The following SPTB variants were observed in gnomAD, a reference collection of about 807,000 sequenced individuals.
SPTB encodes the protein spectrin beta chain, erythrocytic.
Under a neutral mutation model 256.2 loss-of-function variants are expected in SPTB, and 45 were observed. The observed-to-expected ratio is 0.18, with a 90% confidence interval of 0.14 to 0.23. SPTB has a LOEUF of 0.23. Ranked by LOEUF, SPTB falls within the 10% of genes least tolerant of loss-of-function variation. The probability of loss-of-function intolerance (pLI) is 1.00; values close to 1 mark genes in which losing one functional copy is unlikely to be tolerated. For synonymous variants in SPTB, 1,231 were observed against 1,243.1 expected, an observed-to-expected ratio of 0.99 and a Z score of 0.21; for missense variants, 2,715 against 3,040.4, an observed-to-expected ratio of 0.89 and a Z score of 2.52.
At position 64,802,675 on chromosome 14, in the gene SPTB, GAC is replaced by G. The variant is rs2082909165; in HGVS notation, c.475-360_475-359del. Among the ~76,000 whole-genome samples, 1 of 152,108 alleles carries G rather than the reference GAC, an allele frequency of 6.6e-6. No homozygotes were observed. The highest frequency in any genetic ancestry group is 2.4e-5 in the African/African-American group (1 of 41,392). ...GTGGCAGCGCTGTGCTAGGCCTGAGGACACACAGAGGTAAAACAAATTTCTTG... is the reference window on the plus strand; with the variant it reads ...GTGGCAGCGCTGTGCTAGGCCTGAGGACACAGAGGTAAAACAAATTTCTTG... On this transcript the variant is annotated intron_variant, in intron 4 of 35. Transcript: ENST00000644917. The surrounding 1 kb of genome is among the most constrained non-coding windows in gnomAD (Gnocchi z 5.1).
Position 64,749,552 on chromosome 14 carries a change from T to A in SPTB, c.6820-79A>T. The A allele has an allele frequency of 6.2e-7, 1 of 1,602,644 alleles. No homozygotes were observed. Among genetic ancestry groups the A allele is most frequent in the Non-Finnish European group, 8.5e-7 (1 of 1,178,392 alleles). On this transcript the variant is annotated intron_variant, in intron 35 of 35. Transcript: ENST00000644917. The surrounding 1 kb of genome is among the most constrained non-coding windows in gnomAD (Gnocchi z 4.7). ...CGGGCCAGGCAACAATGGTGGGGGC[T>A]CTTGGGACTGCCCCTTCTGAGGGGG...
At chr14:64,870,045 G>T (rs1882437217) in intron 1 of SPTB, among the ~76,000 whole-genome samples, 1 of 152,022 alleles carries the variant, frequency 6.6e-6, no homozygotes, top group Non-Finnish European at 1.5e-5. Context: ...GTTCCCCATT[G>T]CAAGAAGCTT....
Position 64,824,037 on chromosome 14 carries a change from C to T in SPTB, c.-51-892G>A, listed in dbSNP as rs766098979. ...ATTTACAGTTAATTCAAATATGTAC[C>T]AAGCTCCAACTAGGTGGCAGGCACT... On this transcript the variant is annotated intron_variant, in intron 1 of 35. Transcript: ENST00000644917. The surrounding 1 kb of genome is among the most constrained non-coding windows in gnomAD (Gnocchi z 5.7). Among the ~76,000 whole-genome samples the T allele has an allele frequency of 6.6e-6, 1 of 152,140 alleles. No individual in the cohort carries two copies. The highest frequency in any genetic ancestry group is 1.5e-5 in the Non-Finnish European group (1 of 68,030).
intron 2 of SPTB, among the ~76,000 whole-genome samples, chr14:64,815,369 G>A (rs992723155): frequency 7.2e-5 from 11 of 152,314 alleles, no homozygotes; most frequent in African/African-American, 2.4e-4. Context: ...CCCAAGCAGC[G>A]CTGTGATGAC....
intron 1 of SPTB, among the ~76,000 whole-genome samples, chr14:64,861,000 C>T (rs1031680742): frequency 6.6e-6 from 1 of 152,096 alleles, no homozygotes; most frequent in African/African-American, 2.4e-5. Flanking sequence ...ACATATACAC[C>T]ATGGAATACT....
chr14:64,855,538 A>AGACAGGGTCTTGC (rs11270613), intron 1 of SPTB, among the ~76,000 whole-genome samples: 1 of 151,802 alleles, frequency 6.6e-6, no homozygotes, highest in Non-Finnish European at 1.5e-5. Flanking sequence ...ATCTTTTCAT[A>AGACAGGGTCTTGC]TACGTTGACC....
chr14:64,783,698 T>C (rs557514691), intron 19 of SPTB, among the ~76,000 whole-genome samples: 24 of 152,306 alleles, frequency 1.6e-4, no homozygotes, highest in African/African-American at 5.8e-4. Context: ...TGGACAGCCA[T>C]GGTAGAGATG....
At chr14:64,863,493 G>T (rs542060532) in intron 1 of SPTB, among the ~76,000 whole-genome samples, 303 of 152,280 alleles carry the variant, frequency 2.0e-3, no homozygotes, top group African/African-American at 7.2e-3. Flanking sequence ...TTTGTGTCAT[G>T]CTACAAACCT....
chr14:64,748,264 T>C lies in SPTB; in HGVS notation c.*1042A>G, dbSNP rs1384291539. The C allele has an allele frequency of 1.3e-5, 2 of 152,232 alleles. No homozygotes were observed. Among genetic ancestry groups the C allele is most frequent in the Non-Finnish European group, 1.5e-5 (1 of 68,070 alleles). The allele number at this position is 152,232 out of a possible 1,614,324, so 9.4% of individuals were successfully genotyped here. On this transcript the variant is annotated 3_prime_UTR_variant, in exon 36 of 36. Transcript: ENST00000644917. ...TCCAAAGTCCCAGCTGCAGACAGGATGCAATTGAGCATTTGGCTTTGGGAT... is the reference window on the plus strand; with the variant it reads ...TCCAAAGTCCCAGCTGCAGACAGGACGCAATTGAGCATTTGGCTTTGGGAT...
chr14:64,766,916 C>A, intron 31 of SPTB, 115 bp from the exon 32 acceptor site: 1 of 1,316,032 alleles, frequency 7.6e-7, no homozygotes, highest in South Asian at 1.2e-5. Flanking sequence ...AGCTCCCCCT[C>A]CAGTCAGCCG....
chr14:64,766,934 G>A, intron 31 of SPTB, 133 bp from the exon 32 acceptor site: 1 of 1,195,004 alleles, frequency 8.4e-7, no homozygotes, highest in South Asian at 1.2e-5. Flanking sequence ...CCGGCAGCCT[G>A]GATGGTGCTT....
intron 1 of SPTB, among the ~76,000 whole-genome samples, chr14:64,858,466 C>T (rs2083907583): frequency 6.6e-6 from 1 of 152,084 alleles, no homozygotes; most frequent in Non-Finnish European, 1.5e-5. Context: ...CAGTCAGGAG[C>T]AGTAGGAGGC....
intron 2 of SPTB, 40 bp downstream of exon 2, chr14:64,822,907 T>G (rs771684425): frequency 1.2e-6 from 2 of 1,612,218 alleles, no homozygotes; most frequent in Admixed American, 1.7e-5. Flanking sequence ...ACCTTGTGAC[T>G]GTGAGAATGC....
At chr14:64,771,879 ATTGCG>A (rs774192666) in intron 26 of SPTB, among the ~76,000 whole-genome samples, 2 of 152,174 alleles carry the variant, frequency 1.3e-5, no homozygotes, top group Non-Finnish European at 2.9e-5. Flanking sequence ...CTGGCCTGGG[ATTGCG>A]CAGCCAGCCT....
intron 2 of SPTB, among the ~76,000 whole-genome samples, chr14:64,813,903 C>G (rs1176255420): frequency 4.6e-5 from 7 of 152,204 alleles, no homozygotes; most frequent in African/African-American, 1.7e-4. Context: ...TAAAGCCTAG[C>G]ATGGGGCAGA....
intron 13 of SPTB, among the ~76,000 whole-genome samples, chr14:64,794,101 G>C (rs931895951): frequency 6.6e-6 from 1 of 152,070 alleles, no homozygotes; most frequent in African/African-American, 2.4e-5. Context: ...GTTCTTAATA[G>C]AAATGTACAA....
At chr14:64,776,932 A>T (rs1376232975) in intron 22 of SPTB, among the ~76,000 whole-genome samples, 1 of 152,254 alleles carries the variant, frequency 6.6e-6, no homozygotes, top group Non-Finnish European at 1.5e-5. Context: ...TGCACTTTAA[A>T]GCTTACAACC....
Position 64,750,134 on chromosome 14 carries a change from C to T in SPTB, c.6623G>A (p.Cys2208Tyr). 1 of 1,614,052 alleles carries T rather than the reference C, an allele frequency of 6.2e-7. No homozygotes were observed. ...ASNRSWNNLY[C>Y]VLRNSELTFY... is the part of the protein sequence containing the mutation. Reference sequence around the variant, plus strand: ...GGTTAGCTCACTGTTCCTGAGCACACAGTACAGGTTGTTCCAGGACCTGCA... The same window carrying T: ...GGTTAGCTCACTGTTCCTGAGCACATAGTACAGGTTGTTCCAGGACCTGCA... Residue 2208 changes from cysteine to tyrosine, a missense_variant, in exon 34 of 36, where the codon TGT becomes TAT. Transcript: ENST00000644917.
rs1392572248 is a variant in SPTB, at chr14:64,751,047, AT to A, written c.6603-894del. Among the ~76,000 whole-genome samples the A allele has an allele frequency of 4.6e-4, 67 of 144,350 alleles. 1 individual carries two copies. The highest frequency in any genetic ancestry group is 4.6e-3 in the Admixed American group (66 of 14,298). The allele number at this position is 144,350 out of a possible 152,430, so 94.7% of individuals were successfully genotyped here. A position where few individuals can be genotyped will look rare whatever the true frequency, so the allele number is the denominator to read the frequency against. On this transcript the variant is annotated intron_variant, in intron 33 of 35. Transcript: ENST00000644917. ...TATATATTATATATGTAGCAATTAT[AT>A]ATTATATAATATATAACATTTATAG...
Sources: gnomAD v4.1 joint callset for allele counts (sites outside exome capture counted in the v4.1 genomes callset) on GRCh38, gnomAD v4.1.1 for gene constraint, Gnocchi (gnomAD v3.1) non-coding constraint, MANE v1.5 for transcripts, NCBI Gene and HGNC (gene_info 2026-07-23, HGNC 2026-07-21) for gene names.